The following KCND2 variants were observed in gnomAD, a reference collection of about 807,000 sequenced individuals.
KCND2 encodes A-type voltage-gated potassium channel KCND2.
In KCND2, 16 loss-of-function variants were observed where a neutral mutation model predicts 54.4. The ratio of observed to expected loss-of-function variants is 0.29; its 90% CI spans 0.20 to 0.45. The LOEUF is 0.45. Ranked by LOEUF, KCND2 falls within the 20% of genes least tolerant of loss-of-function variation. The pLI, the probability that KCND2 is intolerant of heterozygous loss-of-function variation, is 1.00. For missense variants in KCND2, 486 were observed against 824.2 expected, an observed-to-expected ratio of 0.59 and a Z score of 5.02; for synonymous variants, 317 against 310.7, an observed-to-expected ratio of 1.02 and a Z score of -0.21.
At chr7:120,451,369 T>C (rs1802105258) in intron 1 of KCND2, among the ~76,000 whole-genome samples, 3 of 152,198 alleles carry the variant, frequency 2.0e-5, no homozygotes, top group Admixed American at 2.0e-4. Context: ...GTGACAGGCA[T>C]TTTTGTTATA....
chr7:120,325,615 G>A (rs531999307), intron 1 of KCND2, among the ~76,000 whole-genome samples: 145 of 151,822 alleles, frequency 9.6e-4, no homozygotes, highest in African/African-American at 2.8e-3. Context: ...ATTGATTTGC[G>A]TATATTGAAC....
chr7:120,529,314 T>C (rs1444653228), intron 1 of KCND2, among the ~76,000 whole-genome samples: 5 of 152,154 alleles, frequency 3.3e-5, no homozygotes, highest in Admixed American at 3.3e-4. Context: ...CACTCTGAAA[T>C]ATTGGAATGT....
At chr7:120,492,226 A>G (rs1286947729) in intron 1 of KCND2, among the ~76,000 whole-genome samples, 2 of 152,138 alleles carry the variant, frequency 1.3e-5, no homozygotes, top group Admixed American at 1.3e-4. Flanking sequence ...CTGTGGTAAC[A>G]TAAAACCATA....
At chr7:120,593,817 G>T (rs1042076157) in intron 1 of KCND2, among the ~76,000 whole-genome samples, 4 of 151,968 alleles carry the variant, frequency 2.6e-5, no homozygotes, top group African/African-American at 9.7e-5. Context: ...CAATCCTTTT[G>T]CTGGAAATCT....
At chr7:120,300,364 A>G (rs562859079) in intron 1 of KCND2, among the ~76,000 whole-genome samples, 7 of 152,248 alleles carry the variant, frequency 4.6e-5, no homozygotes, top group Admixed American at 4.6e-4. Flanking sequence ...GTCCATAGGA[A>G]TGGATTATAC....
intron 1 of KCND2, among the ~76,000 whole-genome samples, chr7:120,396,274 T>C (rs1187522884): frequency 6.6e-6 from 1 of 152,012 alleles, no homozygotes; most frequent in East Asian, 1.9e-4. Context: ...CTTTTAATCA[T>C]TGAGGACAAT....
At chr7:120,571,375 T>C (rs1486297283) in intron 1 of KCND2, among the ~76,000 whole-genome samples, 1 of 152,190 alleles carries the variant, frequency 6.6e-6, no homozygotes, top group Non-Finnish European at 1.5e-5. Flanking sequence ...GAATCTTGGC[T>C]CCAATTTGAT....
intron 1 of KCND2, among the ~76,000 whole-genome samples, chr7:120,666,704 T>A (rs1791931439): frequency 6.6e-6 from 1 of 152,008 alleles, no homozygotes; most frequent in Non-Finnish European, 1.5e-5. Flanking sequence ...TTAGCACAGT[T>A]AGCCTAACTT....
intron 1 of KCND2, among the ~76,000 whole-genome samples, chr7:120,297,502 G>A (rs922426182): frequency 2.0e-5 from 3 of 151,996 alleles, no homozygotes; most frequent in African/African-American, 4.8e-5. Flanking sequence ...GGTGAATAGC[G>A]CCACAGTTAA....
At chr7:120,593,693 A>C (rs1371306098) in intron 1 of KCND2, among the ~76,000 whole-genome samples, 2 of 152,184 alleles carry the variant, frequency 1.3e-5, no homozygotes, top group Non-Finnish European at 2.9e-5. Flanking sequence ...ACGACCATGC[A>C]TAAATAAGCA....
intron 1 of KCND2, among the ~76,000 whole-genome samples, chr7:120,658,619 C>T (rs1791831059): frequency 6.6e-6 from 1 of 152,190 alleles, no homozygotes; most frequent in Non-Finnish European, 1.5e-5. Context: ...TCCACATCAG[C>T]AGCACCATCA....
chr7:120,614,793 A>T (rs1793000791), intron 1 of KCND2, among the ~76,000 whole-genome samples: 1 of 152,370 alleles, frequency 6.6e-6, no homozygotes, highest in South Asian at 2.1e-4. Flanking sequence ...ATGGAGGAAA[A>T]TGCAACATTT....
Position 120,274,896 on chromosome 7 carries a change from C to T in KCND2, c.264C>T (p.Asp88=). The part of the protein sequence containing the change: ...PETQQYFFDR[D]PDIFRHILNF... Reference sequence around the variant, plus strand: ...CTCAGCAGTATTTCTTTGACCGTGACCCAGACATCTTCCGCCACATCCTGA... The same window carrying T: ...CTCAGCAGTATTTCTTTGACCGTGATCCAGACATCTTCCGCCACATCCTGA... Residue 88 remains aspartate, a synonymous_variant, in exon 1 of 6, where the codon GAC becomes GAT. Coordinates refer to ENST00000331113, the MANE Select transcript of KCND2 (RefSeq NM_012281.3). 1.2e-6 allele frequency: 2 copies of T among 1,614,130 alleles called. No homozygotes were observed. Among genetic ancestry groups the T allele is most frequent in the Non-Finnish European group, 1.7e-6 (2 of 1,180,032 alleles).
intron 1 of KCND2, among the ~76,000 whole-genome samples, chr7:120,363,491 T>A (rs1239039915): frequency 6.6e-6 from 1 of 152,116 alleles, no homozygotes; most frequent in East Asian, 1.9e-4. Context: ...CTTTCTCTGA[T>A]ACCTCATGTA....
At chr7:120,344,489 A>G (rs1800284346) in intron 1 of KCND2, among the ~76,000 whole-genome samples, 1 of 152,178 alleles carries the variant, frequency 6.6e-6, no homozygotes, top group Non-Finnish European at 1.5e-5. Context: ...ACTTCCTTCC[A>G]AAATAGGCTT....
chr7:120,745,177 G>A lies in KCND2; in HGVS notation c.1468-603G>A, dbSNP rs528441343. On this transcript the variant is annotated intron_variant, in intron 4 of 5. Transcript: ENST00000331113. Reference sequence around the variant, plus strand: ...GGGTCGAACACAGAGTGACACATTCGGCAGACAATTATATTTTACTTATGT... The same window carrying A: ...GGGTCGAACACAGAGTGACACATTCAGCAGACAATTATATTTTACTTATGT... 8.5e-5 allele frequency among the ~76,000 whole-genome samples: 13 copies of A among 152,086 alleles called. No individual in the cohort carries two copies. In the South Asian group the frequency reaches 2.5e-3, roughly 29 times the overall value.
intron 1 of KCND2, among the ~76,000 whole-genome samples, chr7:120,395,900 G>A (rs1018426336): frequency 6.6e-6 from 1 of 151,840 alleles, no homozygotes; most frequent in South Asian, 2.1e-4. Flanking sequence ...TCAAGGTGTT[G>A]GTGACCAGAA....
rs183205787 is a variant in KCND2 at position 120,474,554 on chromosome 7, G to T, written c.1115+198807G>T. ...TTTTTTGGCATTTTTGGTAGAGACG[G>T]TGTTTCACCATGTTGGCCAGCCTGG... On this transcript the variant is annotated intron_variant, in intron 1 of 5. Transcript: ENST00000331113. Among the ~76,000 whole-genome samples the T allele has an allele frequency of 2.4e-3, 355 of 150,944 alleles. 1 individual carries two copies. Among genetic ancestry groups the T allele is most frequent in the African/African-American group, 8.2e-3 (338 of 41,068 alleles).
intron 1 of KCND2, among the ~76,000 whole-genome samples, chr7:120,468,358 T>G (rs1208632115): frequency 1.3e-5 from 2 of 152,168 alleles, no homozygotes; most frequent in Non-Finnish European, 2.9e-5. Context: ...TGCTGTAATG[T>G]GATTTTCTCT....
Sources: gnomAD v4.1 joint callset for allele counts (sites outside exome capture counted in the v4.1 genomes callset) on GRCh38, gnomAD v4.1.1 for gene constraint, MANE v1.5 for transcripts, NCBI Gene and HGNC (gene_info 2026-07-23, HGNC 2026-07-21) for gene names.